The following ENOX1 variants were observed in gnomAD, a reference collection of about 807,000 sequenced individuals.
The protein encoded by ENOX1 is ecto-NOX disulfide-thiol exchanger 1.
ENOX1 carries 42 observed loss-of-function variants against 82.5 expected under a neutral mutation model. That is an observed-to-expected ratio of 0.51 (90% CI 0.40 to 0.66). ENOX1 has a LOEUF of 0.66. ENOX1 is among the 30% of genes least tolerant of loss of function. The pLI is 0.00. For missense variants in ENOX1, 608 were observed against 811.6 expected (o/e 0.75, Z 3.05); for synonymous variants, 271 against 282.2 (o/e 0.96, Z 0.40).
rs866450884 is a variant in ENOX1 at position 43,775,493 on chromosome 13, T to C, written c.-285+11159A>G. Among the ~76,000 whole-genome samples the C allele has an allele frequency of 1.9e-4, 29 of 152,274 alleles. No homozygotes were observed. The Middle Eastern group carries it at 0.02, about 107-fold the overall frequency. The stretch of plus-strand genomic sequence containing the variant: ...TTTCTTCTGCTAAAGCTTTGAGTTT[T>C]CCCAGGCCTCAGGTCAGTAGACCTG... On this transcript the variant is annotated intron_variant, in intron 1 of 16. Coordinates refer to ENST00000690772, the MANE Select transcript of ENOX1 (RefSeq NM_001347969.2).
rs1950480393 is a variant in ENOX1, at chr13:43,754,059, C to CGTATATAAATACACATATATAA, written c.-285+32592_-285+32593insTTATATATGTGTATTTATATAC. 1.4e-5 allele frequency among the ~76,000 whole-genome samples: 2 copies of CGTATATAAATACACATATATAA among 140,186 alleles called. 1 individual carries two copies. The highest frequency in any genetic ancestry group is 3.1e-5 in the Non-Finnish European group (2 of 64,632). 92.0% of individuals were successfully genotyped at this position (140,186 alleles called of 152,430 possible). The stretch of plus-strand genomic sequence containing the variant: ...ATGTATATAAATACACATATATATA[C>CGTATATAAATACACATATATAA]ATATATACGTATATAAATACACATA... On this transcript the variant is annotated intron_variant, in intron 1 of 16. Coordinates refer to ENST00000690772, the MANE Select transcript of ENOX1 (RefSeq NM_001347969.2).
chr13:43,472,929 A>T (rs188680264), intron 3 of ENOX1, among the ~76,000 whole-genome samples: 1 of 152,364 alleles, frequency 6.6e-6, no homozygotes, highest in Non-Finnish European at 1.5e-5. Flanking sequence ...CCAACCAATA[A>T]ATTAAGCAAC....
chr13:43,549,303 C>A (rs930235185), intron 2 of ENOX1, among the ~76,000 whole-genome samples: 1 of 152,164 alleles, frequency 6.6e-6, no homozygotes, highest in Non-Finnish European at 1.5e-5. Flanking sequence ...ATGTCTCTAT[C>A]TTGTAAACAG....
At chr13:43,634,679 C>A (rs2083346363) in intron 2 of ENOX1, among the ~76,000 whole-genome samples, 1 of 152,144 alleles carries the variant, frequency 6.6e-6, no homozygotes, top group South Asian at 2.1e-4. Context: ...AGAAATCCTG[C>A]AAAAGGCCAT....
intron 2 of ENOX1, among the ~76,000 whole-genome samples, chr13:43,564,621 G>C (rs1593843226): frequency 6.6e-6 from 1 of 152,004 alleles, no homozygotes; most frequent in African/African-American, 2.4e-5. Flanking sequence ...AGTAGGAGAG[G>C]ATTACTTTAA....
chr13:43,242,381 C>T (rs1366160552), intron 14 of ENOX1, among the ~76,000 whole-genome samples: 3 of 152,188 alleles, frequency 2.0e-5, no homozygotes, highest in Non-Finnish European at 4.4e-5. Context: ...TAGCTTTGGC[C>T]CTTGCCAAAG....
intron 3 of ENOX1, among the ~76,000 whole-genome samples, chr13:43,429,235 G>C (rs1326386421): frequency 2.0e-5 from 3 of 152,134 alleles, no homozygotes; most frequent in Admixed American, 2.0e-4. Context: ...GGAGCTGAAA[G>C]GAATAAAACA....
At chr13:43,482,819 G>A (rs1024680108) in intron 3 of ENOX1, among the ~76,000 whole-genome samples, 2 of 152,066 alleles carry the variant, frequency 1.3e-5, no homozygotes, top group Admixed American at 6.6e-5. Context: ...TGTTTCTATG[G>A]ATACAGTTAT....
At chr13:43,715,395 T>C (rs950220852) in intron 1 of ENOX1, among the ~76,000 whole-genome samples, 6 of 152,066 alleles carry the variant, frequency 3.9e-5, no homozygotes, top group Non-Finnish European at 5.9e-5. Context: ...TGTCTTGGAG[T>C]TGCTCTTCTC....
At chr13:43,243,135 CAAAAAA>C (rs748084568) in intron 14 of ENOX1, among the ~76,000 whole-genome samples, 3 of 81,554 alleles carry the variant, frequency 3.7e-5, no homozygotes, top group Non-Finnish European at 4.9e-5. Context: ...GACTCTGTCT[CAAAAAA>C]AAAAAAAAAA....
At chr13:43,752,980 C>CAGAAA (rs71099847) in intron 1 of ENOX1, among the ~76,000 whole-genome samples, 58,718 of 151,514 alleles carry the variant, frequency 0.39, 14,278 homozygotes, top group Non-Finnish European at 0.56. Context: ...CTGCCTCAGC[C>CAGAAA]TTCTGAGTAG....
intron 1 of ENOX1, among the ~76,000 whole-genome samples, chr13:43,768,511 T>C (rs1304949494): frequency 1.3e-5 from 2 of 152,176 alleles, no homozygotes. Flanking sequence ...CAGTCTTAGC[T>C]ACTTGGGTAG....
intron 11 of ENOX1, among the ~76,000 whole-genome samples, chr13:43,317,036 C>T (rs931606635): frequency 2.6e-5 from 4 of 152,208 alleles, no homozygotes; most frequent in Admixed American, 6.5e-5. Context: ...ATGGTGCCCT[C>T]GGCTGTCATT....
chr13:43,312,805 G>T (rs1566486829), intron 11 of ENOX1, among the ~76,000 whole-genome samples: 2 of 152,154 alleles, frequency 1.3e-5, no homozygotes, highest in Admixed American at 1.3e-4. Context: ...AAAAGAGTTT[G>T]CTGGGTGCGT....
rs561537102 is a variant in ENOX1, at chr13:43,420,877, C to T, written c.-74-7889G>A. Reference sequence around the variant, plus strand: ...GATTATATAACATCCTACATGATAACGCATGATAAAGACTCAAATCTGTTA... The same window carrying T: ...GATTATATAACATCCTACATGATAATGCATGATAAAGACTCAAATCTGTTA... On this transcript the variant is annotated intron_variant, in intron 3 of 16. Transcript: ENST00000690772. Among the ~76,000 whole-genome samples the T allele has an allele frequency of 5.3e-5, 8 of 152,146 alleles. No individual in the cohort carries two copies. In the East Asian group the frequency reaches 9.6e-4, roughly 18 times the overall value.
chr13:43,698,738 T>G (rs1306244970), intron 1 of ENOX1, among the ~76,000 whole-genome samples: 1 of 152,090 alleles, frequency 6.6e-6, no homozygotes. Context: ...AAACTGCAAA[T>G]AGCACATGTC....
At chr13:43,316,191 C>A (rs1392393095) in intron 11 of ENOX1, among the ~76,000 whole-genome samples, 1 of 152,182 alleles carries the variant, frequency 6.6e-6, no homozygotes, top group African/African-American at 2.4e-5. Context: ...GGCTGTCATG[C>A]AGGAAACTTT....
intron 3 of ENOX1, among the ~76,000 whole-genome samples, chr13:43,482,298 T>C (rs979543617): frequency 6.6e-6 from 1 of 152,192 alleles, no homozygotes; most frequent in Admixed American, 6.5e-5. Flanking sequence ...AGAAGATTAT[T>C]AAGCCTAACA....
chr13:43,694,370 A>G lies in ENOX1; in HGVS notation c.-284-26826T>C, dbSNP rs575749452. Among the ~76,000 whole-genome samples the G allele has an allele frequency of 1.9e-4, 29 of 152,318 alleles. No homozygotes were observed. The South Asian group carries it at 5.8e-3, about 30-fold the overall frequency. Reference sequence around the variant, plus strand: ...AACTCCCTCAGCTCTTATGAAAAATAATTCCATCACATCTCTCCAAAGTTC... The same window carrying G: ...AACTCCCTCAGCTCTTATGAAAAATGATTCCATCACATCTCTCCAAAGTTC... On this transcript the variant is annotated intron_variant, in intron 1 of 16. Coordinates refer to ENST00000690772, the MANE Select transcript of ENOX1 (RefSeq NM_001347969.2).
Sources: gnomAD v4.1 joint callset for allele counts (sites outside exome capture counted in the v4.1 genomes callset) on GRCh38, gnomAD v4.1.1 for gene constraint, MANE v1.5 for transcripts, NCBI Gene and HGNC (gene_info 2026-07-23, HGNC 2026-07-21) for gene names.